PDHX: variants seen among roughly 807,000 people sequenced by gnomAD.
The protein encoded by PDHX is pyruvate dehydrogenase complex component X, also known as pyruvate dehydrogenase protein X component, mitochondrial.
In PDHX, 33 loss-of-function variants were observed where a neutral mutation model predicts 55.3. That is an observed-to-expected ratio of 0.60 (90% CI 0.45 to 0.80). The LOEUF (loss-of-function observed/expected upper bound fraction) is 0.80. Ranked by LOEUF, PDHX falls within the 30% of genes least tolerant of loss-of-function variation. PDHX has a pLI of 0.00. For synonymous variants in PDHX, 226 were observed against 219.4 expected (o/e 1.03, Z -0.27); for missense variants, 622 against 619.9 (o/e 1.00, Z -0.04).
intron 8 of PDHX, among the ~76,000 whole-genome samples, chr11:34,982,283 G>C (rs1051709516): frequency 2.6e-4 from 40 of 151,972 alleles, no homozygotes; most frequent in African/African-American, 6.3e-4. Flanking sequence ...TCTTGTTTTT[G>C]TCAGGTTTGT....
At chr11:34,918,142 G>A (rs749580469) in intron 1 of PDHX, among the ~76,000 whole-genome samples, 36 of 151,960 alleles carry the variant, frequency 2.4e-4, no homozygotes, top group Non-Finnish European at 4.0e-4. Context: ...TACCATAAAT[G>A]GTCACACACA....
intron 7 of PDHX, among the ~76,000 whole-genome samples, 165 bp downstream of exon 7, chr11:34,970,451 T>A (rs1019190940): frequency 6.6e-6 from 1 of 152,148 alleles, no homozygotes; most frequent in African/African-American, 2.4e-5. Context: ...AGGAAAAAAA[T>A]TAGCAATGGT....
intron 2 of PDHX, among the ~76,000 whole-genome samples, chr11:34,936,283 CTGTT>C (rs990563152): frequency 6.6e-6 from 1 of 152,148 alleles, no homozygotes; most frequent in African/African-American, 2.4e-5. Flanking sequence ...CCAACCAAGT[CTGTT>C]TGGGCATATT....
intron 7 of PDHX, among the ~76,000 whole-genome samples, chr11:34,971,266 ATTTC>A (rs1565165270): frequency 1.3e-5 from 2 of 152,026 alleles, no homozygotes; most frequent in Non-Finnish European, 2.9e-5. Context: ...TGATAGTTTT[ATTTC>A]TTTATTTTTG....
chr11:34,983,974 C>T (rs1299816439), intron 8 of PDHX, among the ~76,000 whole-genome samples: 2 of 152,156 alleles, frequency 1.3e-5, no homozygotes, highest in Non-Finnish European at 2.9e-5. Flanking sequence ...CAAGTCAATC[C>T]TAAGCCAAAA....
chr11:34,936,634 T>A (rs1854316495), intron 2 of PDHX, among the ~76,000 whole-genome samples: 1 of 151,946 alleles, frequency 6.6e-6, no homozygotes, highest in East Asian at 1.9e-4. Flanking sequence ...CTGGCTGCAT[T>A]GGGGACATAA....
At chr11:34,931,127 C>CT (rs1047087329) in intron 1 of PDHX, among the ~76,000 whole-genome samples, 331 of 151,692 alleles carry the variant, frequency 2.2e-3, no homozygotes, top group African/African-American at 7.5e-3. Context: ...TTTTTTTTGA[C>CT]TTATAAGCAC....
At chr11:34,940,530 T>C (rs1484230364) in intron 2 of PDHX, among the ~76,000 whole-genome samples, 1 of 152,242 alleles carries the variant, frequency 6.6e-6, no homozygotes, top group African/African-American at 2.4e-5. Context: ...GCTTCCTTTT[T>C]TTGGTGTACT....
intron 9 of PDHX, among the ~76,000 whole-genome samples, chr11:34,985,398 G>A (rs568359144): frequency 2.6e-5 from 4 of 152,236 alleles, no homozygotes; most frequent in African/African-American, 4.8e-5. Context: ...CCGAGATTGC[G>A]CCACCGTACT....
intron 9 of PDHX, 94 bp from the exon 10 acceptor site, chr11:34,992,219 CAG>C (rs1427096115): frequency 1.4e-5 from 10 of 717,804 alleles, no homozygotes; most frequent in Non-Finnish European, 2.5e-5. Context: ...CAAGGCATAT[CAG>C]AGATGAGAGT....
chr11:34,928,319 T>C (rs10836322), intron 1 of PDHX, among the ~76,000 whole-genome samples: 53,605 of 151,782 alleles, frequency 0.35, 10,096 homozygotes, highest in East Asian at 0.74. Flanking sequence ...TTATGAAATA[T>C]TCTGTTCATA....
At chr11:34,929,717 C>T (rs895531583) in intron 1 of PDHX, among the ~76,000 whole-genome samples, 2 of 152,192 alleles carry the variant, frequency 1.3e-5, no homozygotes, top group African/African-American at 4.8e-5. Flanking sequence ...CATGAAGATT[C>T]GCATCCTGTA....
chr11:34,957,022 A>T (rs1180266645), intron 3 of PDHX, among the ~76,000 whole-genome samples: 1 of 152,236 alleles, frequency 6.6e-6, no homozygotes, highest in East Asian at 1.9e-4. Context: ...TCTGGGAAAG[A>T]CAAATGGTTA....
At chr11:34,944,319 A>C (rs988575913) in intron 2 of PDHX, among the ~76,000 whole-genome samples, 2 of 151,734 alleles carry the variant, frequency 1.3e-5, no homozygotes, top group African/African-American at 4.8e-5. Flanking sequence ...GGGGTTTCAC[A>C]ATGTTGGCCA....
rs763856424 is a variant in PDHX at position 34,966,820 on chromosome 11, G to GTT, written c.816+7_816+8dup. ...CTGGACAACCCAATGCAGTGGTAGT[G>GTT]TTCTCTAAGTGGATTTTTATTTCTT... On this transcript the variant is annotated splice_region_variant and intron_variant, in intron 6 of 10. Coordinates refer to ENST00000227868, the MANE Select transcript of PDHX (RefSeq NM_003477.3). 27 of 1,608,574 alleles carry GTT rather than the reference G, an allele frequency of 1.7e-5. No homozygotes were observed. The highest frequency in any genetic ancestry group is 2.3e-5 in the Non-Finnish European group (27 of 1,175,216).
intron 1 of PDHX, among the ~76,000 whole-genome samples, chr11:34,930,298 T>C (rs1458620371): frequency 6.6e-6 from 1 of 152,248 alleles, no homozygotes; most frequent in Non-Finnish European, 1.5e-5. Context: ...TCTTAAATAC[T>C]TCAAAGAGGT....
intron 3 of PDHX, among the ~76,000 whole-genome samples, chr11:34,949,238 T>TTTTTTGTTTTTG (rs1003544099): frequency 6.7e-6 from 1 of 149,726 alleles, no homozygotes; most frequent in Non-Finnish European, 1.5e-5. Context: ...TTTTCTTCTG[T>TTTTTTGTTTTTG]TTTTTGTTTT....
chr11:34,983,076 C>T (rs11032966), intron 8 of PDHX, among the ~76,000 whole-genome samples: 8,975 of 152,206 alleles, frequency 0.059, 299 homozygotes, highest in Non-Finnish European at 0.075. Flanking sequence ...TTATCCACCA[C>T]GACGAAGTTG....
chr11:34,937,717 C>A (rs1242737507), intron 2 of PDHX, among the ~76,000 whole-genome samples: 1 of 152,078 alleles, frequency 6.6e-6, no homozygotes, highest in Non-Finnish European at 1.5e-5. Flanking sequence ...ATGCCTACTC[C>A]CCTAAAGAGT....
Sources: gnomAD v4.1 joint callset for allele counts (sites outside exome capture counted in the v4.1 genomes callset) on GRCh38, gnomAD v4.1.1 for gene constraint, MANE v1.5 for transcripts, NCBI Gene and HGNC (gene_info 2026-07-23, HGNC 2026-07-21) for gene names.